The following RELN variants were observed in gnomAD, a reference collection of about 807,000 sequenced individuals.
RELN encodes the protein reelin.
A neutral mutation model predicts 427.6 loss-of-function variants in RELN; 108 were observed. The ratio of observed to expected loss-of-function variants is 0.25; its 90% CI spans 0.22 to 0.30. RELN has a LOEUF of 0.30. RELN is among the 10% of genes least tolerant of loss of function. RELN has a pLI of 1.00. For missense variants in RELN, 3,715 were observed against 4,302.8 expected (o/e 0.86, Z 3.82); for synonymous variants, 1,524 against 1,513.4 (o/e 1.01, Z -0.16).
chr7:103,862,452 T>TATCTATCTATCTATCG (rs1794095220), intron 2 of RELN, among the ~76,000 whole-genome samples: 1 of 150,112 alleles, frequency 6.7e-6, no homozygotes, highest in East Asian at 1.9e-4. Flanking sequence ...TCTATCTATC[T>TATCTATCTATCTATCG]ATCTATCTAT....
chr7:103,512,512 A>G (rs1378331916), intron 50 of RELN, among the ~76,000 whole-genome samples: 2 of 152,212 alleles, frequency 1.3e-5, no homozygotes. Context: ...ACTCATCAAG[A>G]TACTACTGAA....
At chr7:103,977,002 G>T (rs1796891870) in intron 1 of RELN, among the ~76,000 whole-genome samples, 1 of 151,994 alleles carries the variant, frequency 6.6e-6, no homozygotes, top group Non-Finnish European at 1.5e-5. Flanking sequence ...TTCCCTCGCA[G>T]GTTGTTAAGT....
chr7:103,668,758 A>C (rs866040999), intron 11 of RELN, among the ~76,000 whole-genome samples: 1 of 152,206 alleles, frequency 6.6e-6, no homozygotes, highest in South Asian at 2.1e-4. Context: ...TGACGCATAC[A>C]TGAAAATTTC....
rs893404356 is a variant in RELN, at chr7:103,968,564, T to C, written c.226+20567A>G. Among the ~76,000 whole-genome samples the C allele has an allele frequency of 1.3e-5, 2 of 152,086 alleles. No homozygotes were observed. Among genetic ancestry groups the C allele is most frequent in the Non-Finnish European group, 2.9e-5 (2 of 68,030 alleles). On this transcript the variant is annotated intron_variant, in intron 1 of 64. Transcript: ENST00000428762. The surrounding 1 kb of genome is among the most constrained non-coding windows in gnomAD (Gnocchi z 4.3). ...AAAAGAAGAAATTAGATCTCCTCAA[T>C]GAGAGATCCAAGAAGACAAAGGATA...
rs1411756310 is a variant in RELN at position 103,539,446 on chromosome 7, C to T, written c.6931-119G>A. The stretch of plus-strand genomic sequence containing the variant: ...TCTGTTGGCCTGCTCAGAACTGGCA[C>T]TGGACGGCCAGCAGAATGTGAGGGG... On this transcript the variant is annotated intron_variant, in intron 44 of 64. Coordinates refer to ENST00000428762, the MANE Select transcript of RELN (RefSeq NM_005045.4). The T allele has an allele frequency of 1.9e-5, 20 of 1,032,966 alleles. No homozygotes were observed. The South Asian group carries it at 2.9e-4, about 15-fold the overall frequency. 64.0% of individuals were successfully genotyped at this position (1,032,966 alleles called of 1,614,324 possible).
intron 8 of RELN, among the ~76,000 whole-genome samples, chr7:103,709,856 T>C (rs981985357): frequency 2.6e-5 from 4 of 152,154 alleles, no homozygotes; most frequent in Non-Finnish European, 4.4e-5. Flanking sequence ...ATCAGAACAG[T>C]AGCTATAGCA....
intron 45 of RELN, among the ~76,000 whole-genome samples, chr7:103,536,411 T>C (rs974871221): frequency 3.0e-4 from 46 of 152,212 alleles, no homozygotes; most frequent in African/African-American, 1.1e-3. Flanking sequence ...CAGTCTTGGC[T>C]GCACACTGAA....
intron 22 of RELN, among the ~76,000 whole-genome samples, chr7:103,609,488 A>T (rs1359231869): frequency 2.6e-5 from 4 of 152,232 alleles, no homozygotes; most frequent in East Asian, 1.9e-4. Context: ...GACATAAAAA[A>T]GTAGAATGCT....
chr7:103,690,831 A>G (rs1833858230), intron 10 of RELN, among the ~76,000 whole-genome samples: 1 of 152,138 alleles, frequency 6.6e-6, no homozygotes. Flanking sequence ...TTTGTGGGAA[A>G]TAAAAAATTA....
Position 103,472,719 on chromosome 7 carries a change from G to T in RELN, c.*93C>A. ...TCAGGTAATCACCAAGTCCTTCACA[G>T]ATATTTCCTGATATCAGATGTAGTG... On this transcript the variant is annotated 3_prime_UTR_variant, in exon 65 of 65. Coordinates refer to ENST00000428762, the MANE Select transcript of RELN (RefSeq NM_005045.4). 2 of 1,015,920 alleles carry T rather than the reference G, an allele frequency of 2.0e-6. No homozygotes were observed. Among genetic ancestry groups the T allele is most frequent in the African/African-American group, 1.6e-5 (1 of 63,104 alleles). The allele number at this position is 1,015,920 out of a possible 1,614,324, so 62.9% of individuals were successfully genotyped here. A position where few individuals can be genotyped will look rare whatever the true frequency, so the allele number is the denominator to read the frequency against.
chr7:103,475,352 A>G (rs1827998917), intron 64 of RELN, among the ~76,000 whole-genome samples: 1 of 151,786 alleles, frequency 6.6e-6, no homozygotes, highest in African/African-American at 2.4e-5. Context: ...CCCCCGCACC[A>G]TAGCACTGAG....
intron 6 of RELN, among the ~76,000 whole-genome samples, chr7:103,738,873 G>T (rs1342145951): frequency 2.0e-5 from 3 of 151,930 alleles, no homozygotes; most frequent in Non-Finnish European, 4.4e-5. Context: ...CATAGAGACA[G>T]GGTTTCACCA....
At chr7:103,834,439 T>C (rs960206809) in intron 2 of RELN, among the ~76,000 whole-genome samples, 16 of 152,226 alleles carry the variant, frequency 1.1e-4, no homozygotes, top group Non-Finnish European at 2.1e-4. Flanking sequence ...TTGTCTAATG[T>C]TGATGTTCTG....
rs1008918801 is a variant in RELN, at chr7:103,988,563, C to T, written c.226+568G>A. ...AAAAGAATAGGGAGCTGGAAGCAGC[C>T]GCTCCCTTTCAGGAGGGCTGTATGA... On this transcript the variant is annotated intron_variant, in intron 1 of 64. Coordinates refer to ENST00000428762, the MANE Select transcript of RELN (RefSeq NM_005045.4). This position sits in a 1 kb window ranked among gnomAD's most constrained non-coding sequence, Gnocchi z 4.9. Among the ~76,000 whole-genome samples, 4 of 152,156 alleles carry T rather than the reference C, an allele frequency of 2.6e-5. No individual in the cohort carries two copies. Among genetic ancestry groups the T allele is most frequent in the Admixed American group, 1.3e-4 (2 of 15,286 alleles).
At chr7:103,851,873 G>C (rs1409194590) in intron 2 of RELN, among the ~76,000 whole-genome samples, 1 of 152,172 alleles carries the variant, frequency 6.6e-6, no homozygotes, top group African/African-American at 2.4e-5. Flanking sequence ...CTATTCCCTA[G>C]TTGAAACACG....
intron 2 of RELN, among the ~76,000 whole-genome samples, chr7:103,882,025 A>C (rs915500150): frequency 6.6e-6 from 1 of 152,220 alleles, no homozygotes; most frequent in Non-Finnish European, 1.5e-5. Flanking sequence ...TCAACTAACC[A>C]ATGAATGAGC....
At chr7:103,836,492 G>C (rs561475058) in intron 2 of RELN, among the ~76,000 whole-genome samples, 12 of 152,224 alleles carry the variant, frequency 7.9e-5, no homozygotes, top group African/African-American at 2.9e-4. Context: ...CGGCCTTCAA[G>C]AAGACTCTGA....
Position 103,661,417 on chromosome 7 carries a change from T to A in RELN, c.1400A>T (p.Asp467Val). 1.2e-6 allele frequency: 2 copies of A among 1,604,800 alleles called. No individual in the cohort carries two copies. The highest frequency in any genetic ancestry group is 8.5e-7 in the Non-Finnish European group (1 of 1,171,988). Residue 467 changes from aspartate (D) to valine (V), a missense_variant, in exon 12 of 65, where the codon GAC (aspartate) becomes GTC (valine). Physicochemically the swap from Asp to Val is radical, Grantham distance 152 (BLOSUM62 -3). Transcript: ENST00000428762. ...GERKLCTPSM[D>V]TTGYGNLRFY... ...CCTCAGGTTCCCATAACCGGTAGTGTCCATGGATGGAGTGCATAATTTCCT... is the reference window on the plus strand; with the variant it reads ...CCTCAGGTTCCCATAACCGGTAGTGACCATGGATGGAGTGCATAATTTCCT...
intron 2 of RELN, among the ~76,000 whole-genome samples, chr7:103,836,610 C>T (rs777070722): frequency 2.6e-5 from 4 of 152,130 alleles, no homozygotes; most frequent in African/African-American, 4.8e-5. Context: ...ACCCAAAATG[C>T]CAAATGAACC....
Sources: gnomAD v4.1 joint callset for allele counts (sites outside exome capture counted in the v4.1 genomes callset) on GRCh38, gnomAD v4.1.1 for gene constraint, Gnocchi (gnomAD v3.1) non-coding constraint, MANE v1.5 for transcripts, NCBI Gene and HGNC (gene_info 2026-07-23, HGNC 2026-07-21) for gene names.